Variants in AP3S2 observed in about 807,000 individuals in gnomAD.
AP3S2 encodes adaptor related protein complex 3 subunit sigma 2, also known as AP-3 complex subunit sigma-2.
Under a neutral mutation model 23.4 loss-of-function variants are expected in AP3S2, and 22 were observed. That is an observed-to-expected ratio of 0.94 (90% confidence interval 0.67 to 1.34). The LOEUF is 1.34. AP3S2 is among the 40% of genes most tolerant of loss of function. AP3S2 has a pLI of 0.00. For synonymous variants in AP3S2, 86 were observed against 87.1 expected (o/e 0.99, Z 0.07); for missense variants, 241 against 236.9 (o/e 1.02, Z -0.11).
Position 89,893,902 on chromosome 15 carries a change from T to G in AP3S2, c.48A>C (p.Leu16=). 1 of 1,551,750 alleles carries G rather than the reference T, an allele frequency of 6.4e-7. No individual in the cohort carries two copies. The highest frequency in any genetic ancestry group is 1.2e-5 in the South Asian group (1 of 84,070). The change falls in exon 1 of 6, where the codon CTA becomes CTC. Residue 16 remains leucine (L), a synonymous_variant. Transcript: ENST00000336418. ...TCACGAAACGCTGGTAGAAGCGGAC[T>G]AGCCGTGGCTTCCCATGGTTGTTGA... The part of the protein sequence containing the change: ...LVFNNHGKPR[L]VRFYQRFPEE...
chr15:89,839,224 G>C (rs1318235263), intron 4 of AP3S2, among the ~76,000 whole-genome samples: 1 of 152,192 alleles, frequency 6.6e-6, no homozygotes, highest in Non-Finnish European at 1.5e-5. Flanking sequence ...GCATATCTGG[G>C]CACTGTGCAC....
At chr15:89,862,045 G>A (rs1596203315) in intron 4 of AP3S2, among the ~76,000 whole-genome samples, 1 of 152,208 alleles carries the variant, frequency 6.6e-6, no homozygotes, top group African/African-American at 2.4e-5. Context: ...CGGAAGTAAA[G>A]CCAGGATAGG....
intron 3 of AP3S2, among the ~76,000 whole-genome samples, chr15:89,882,945 G>A (rs1269682850): frequency 6.6e-6 from 1 of 152,070 alleles, no homozygotes; most frequent in Non-Finnish European, 1.5e-5. Flanking sequence ...TTGATGTATT[G>A]CTCACCACCT....
intron 3 of AP3S2, among the ~76,000 whole-genome samples, chr15:89,882,210 G>C (rs931367768): frequency 1.3e-5 from 2 of 152,024 alleles, no homozygotes; most frequent in African/African-American, 4.8e-5. Context: ...GTTTTTAGCA[G>C]AATAGGCACA....
intron 4 of AP3S2, among the ~76,000 whole-genome samples, chr15:89,839,813 C>T (rs928372858): frequency 1.9e-4 from 29 of 151,874 alleles, no homozygotes; most frequent in African/African-American, 6.3e-4. Flanking sequence ...AGAAATACAA[C>T]AGAATATTAT....
rs367680278 is a variant in AP3S2, at chr15:89,859,518, C to A, written c.345+11957G>T. ...AAGCAATTCTCCTGCCTCACGTCTC[C>A]CGTGTAGCTGGGATTAAAGGTGCAC... On this transcript the variant is annotated intron_variant, in intron 4 of 5. Transcript: ENST00000336418. Among the ~76,000 whole-genome samples the A allele has an allele frequency of 1.6e-4, 24 of 149,416 alleles. No homozygotes were observed. The East Asian group carries it at 4.4e-3, about 28-fold the overall frequency.
At chr15:89,842,711 C>T (rs1895359615) in intron 4 of AP3S2, among the ~76,000 whole-genome samples, 1 of 152,156 alleles carries the variant, frequency 6.6e-6, no homozygotes, top group African/African-American at 2.4e-5. Context: ...CTCCTGGGTT[C>T]AAGCGATTCT....
intron 3 of AP3S2, among the ~76,000 whole-genome samples, chr15:89,883,093 G>C (rs1256943234): frequency 6.6e-6 from 1 of 152,124 alleles, no homozygotes; most frequent in Non-Finnish European, 1.5e-5. Context: ...TCCATACCAA[G>C]TTAATTCCCA....
intron 1 of AP3S2, among the ~76,000 whole-genome samples, chr15:89,891,705 G>A (rs1416264653): frequency 6.6e-6 from 1 of 151,488 alleles, no homozygotes; most frequent in Admixed American, 6.6e-5. Context: ...CCACTAAAAT[G>A]TCTTTAACCA....
chr15:89,871,599 C>CT (rs1208250521), intron 3 of AP3S2, 53 bp from the exon 4 acceptor site: 2 of 1,573,342 alleles, frequency 1.3e-6, no homozygotes, highest in East Asian at 4.5e-5. Context: ...ACATTCACAG[C>CT]TTTATCAATG....
At chr15:89,886,680 C>T (rs1390810050) in intron 3 of AP3S2, 2 of 152,340 alleles carry the variant, frequency 1.3e-5, no homozygotes, top group African/African-American at 2.4e-5. Flanking sequence ...TAGCCTGCTA[C>T]ATACAGTTAA....
chr15:89,889,242 C>A, intron 1 of AP3S2, 102 bp from the exon 2 acceptor site: 1 of 1,239,368 alleles, frequency 8.1e-7, no homozygotes, highest in South Asian at 1.3e-5. Flanking sequence ...CTGGGAACAT[C>A]TAAACATTTA....
Position 89,873,059 on chromosome 15 carries a change from A to C in AP3S2, c.274-1513T>G, listed in dbSNP as rs1896357427. ...ATTAGTGCCATTCATAAATCTTTAC[A>C]TTTTTAACAGTGCCAGAATATTTCA... On this transcript the variant is annotated intron_variant, in intron 3 of 5. Coordinates refer to ENST00000336418, the MANE Select transcript of AP3S2 (RefSeq NM_005829.5). 1.3e-5 allele frequency among the ~76,000 whole-genome samples: 2 copies of C among 152,196 alleles called. 1 individual carries two copies. The highest frequency in any genetic ancestry group is 1.3e-4 in the Admixed American group (2 of 15,280).
At chr15:89,887,939 G>A (rs564216288) in intron 3 of AP3S2, among the ~76,000 whole-genome samples, 2 of 152,348 alleles carry the variant, frequency 1.3e-5, no homozygotes, top group East Asian at 3.9e-4. Context: ...CCAAAGTGCT[G>A]GGATTATAGG....
intron 4 of AP3S2, among the ~76,000 whole-genome samples, chr15:89,839,843 G>T (rs760709978): frequency 3.3e-5 from 5 of 151,358 alleles, no homozygotes; most frequent in Admixed American, 2.0e-4. Context: ...AAAAGGAAAA[G>T]AATTCTTTTT....
chr15:89,848,983 A>T (rs552344866), intron 4 of AP3S2: 1 of 152,170 alleles, frequency 6.6e-6, no homozygotes, highest in Non-Finnish European at 1.5e-5. Flanking sequence ...CCAAAGTCCA[A>T]TGTTTTATCG....
chr15:89,892,364 T>C (rs1896839208), intron 1 of AP3S2, among the ~76,000 whole-genome samples: 1 of 152,150 alleles, frequency 6.6e-6, no homozygotes, highest in Non-Finnish European at 1.5e-5. Context: ...AAACACTGAA[T>C]TGTCCCCTTT....
At chr15:89,863,586 T>C (rs901929714) in intron 4 of AP3S2, among the ~76,000 whole-genome samples, 4 of 151,992 alleles carry the variant, frequency 2.6e-5, no homozygotes, top group African/African-American at 9.7e-5. Flanking sequence ...AAAAAGAGTA[T>C]ACAAAAACAA....
chr15:89,888,658 T>A, intron 2 of AP3S2, 26 bp from the exon 3 acceptor site: 2 of 1,602,642 alleles, frequency 1.2e-6, no homozygotes, highest in East Asian at 4.5e-5. Flanking sequence ...AACATTTAAA[T>A]GCCCACAGCT....
Sources: allele counts gnomAD v4.1 joint callset (sites outside exome capture counted in the v4.1 genomes callset), GRCh38; gene constraint gnomAD v4.1.1; transcripts MANE v1.5; gene names NCBI Gene and HGNC (gene_info 2026-07-23, HGNC 2026-07-21).